The following KLF8 variants were observed in gnomAD, a reference collection of about 807,000 sequenced individuals.
KLF8 encodes KLF transcription factor 8, also known as Krueppel-like factor 8.
Under a neutral mutation model 18.2 loss-of-function variants are expected in KLF8, and 10 were observed. The ratio of observed to expected loss-of-function variants is 0.55; its 90% CI spans 0.34 to 0.93. The LOEUF (loss-of-function observed/expected upper bound fraction) is 0.93, where lower values mean the gene tolerates loss of function less well. Ranked by LOEUF, KLF8 falls within the 40% of genes least tolerant of loss-of-function variation. The pLI is 0.02. For missense variants in KLF8, 264 were observed against 277.9 expected (o/e 0.95, Z 0.36); for synonymous variants, 109 against 97.3 (o/e 1.12, Z -0.71).
chrX:55,942,250 A>G, the KLF8 span, among the ~76,000 whole-genome samples: 2 of 111,016 alleles, frequency 1.8e-5, no homozygotes. Context: ...CATCATTCTC[A>G]GCAAACTATC....
At chrX:56,065,868 G>A in the KLF8 span, among the ~76,000 whole-genome samples, 1 of 111,997 alleles carries the variant, frequency 8.9e-6, no homozygotes, top group East Asian at 2.8e-4. Flanking sequence ...AATAGAGGCT[G>A]TTGTGATGTT....
chrX:56,021,481 G>C, the KLF8 span, among the ~76,000 whole-genome samples: 2 of 111,058 alleles, frequency 1.8e-5, no homozygotes, highest in Admixed American at 1.9e-4. Context: ...CGTTTCTGTT[G>C]ATTATATATA....
chrX:56,252,778 A>G (rs1430759935), intron 2 of KLF8, among the ~76,000 whole-genome samples: 1 of 112,013 alleles, frequency 8.9e-6, no homozygotes, highest in Non-Finnish European at 1.9e-5. Flanking sequence ...TCAATTTTCA[A>G]TTTTTTTGAG....
chrX:56,151,738 T>G, the KLF8 span, among the ~76,000 whole-genome samples: 2 of 111,092 alleles, frequency 1.8e-5, no homozygotes, highest in African/African-American at 6.5e-5. Flanking sequence ...GAAATTGGAA[T>G]GAGAGATGTG....
chrX:55,908,764 G>A, the KLF8 span: 1 of 281,532 alleles, frequency 3.6e-6, no homozygotes, highest in South Asian at 2.4e-4. Flanking sequence ...CCCGGGGCTG[G>A]GAGGAGAGGA....
the KLF8 span, among the ~76,000 whole-genome samples, chrX:56,211,603 C>T: frequency 3.6e-5 from 4 of 112,185 alleles, no homozygotes; most frequent in Admixed American, 9.4e-5. Context: ...AGGCCTGTGT[C>T]CTTTCCTGCA....
chrX:56,185,186 G>A, the KLF8 span, among the ~76,000 whole-genome samples: 1 of 112,231 alleles, frequency 8.9e-6, no homozygotes, highest in African/African-American at 3.2e-5. Context: ...TAAAGCAGCG[G>A]ATGGAGCTGA....
At chrX:56,094,997 A>G in the KLF8 span, among the ~76,000 whole-genome samples, 1 of 111,461 alleles carries the variant, frequency 9.0e-6, no homozygotes, top group Non-Finnish European at 1.9e-5. Flanking sequence ...AATTAGGAAA[A>G]ACAATTGAAA....
chrX:56,261,987 G>C (rs2066888298), intron 2 of KLF8, among the ~76,000 whole-genome samples: 1 of 111,729 alleles, frequency 9.0e-6, no homozygotes, highest in Non-Finnish European at 1.9e-5. Flanking sequence ...CTACAAGATA[G>C]ATTCACTTAG....
At chrX:56,134,569 C>G in the KLF8 span, among the ~76,000 whole-genome samples, 2 of 111,442 alleles carry the variant, frequency 1.8e-5, no homozygotes, top group African/African-American at 6.5e-5. Context: ...GAAGATAACA[C>G]TGGAAAAACC....
chrX:55,936,827 G>T, the KLF8 span, among the ~76,000 whole-genome samples: 4 of 99,892 alleles, frequency 4.0e-5, no homozygotes, highest in Non-Finnish European at 8.1e-5. Context: ...TGAGGCTGGG[G>T]GAGGGGCGCC....
intron 1 of KLF8, among the ~76,000 whole-genome samples, chrX:56,249,432 T>C (rs767416269): frequency 8.9e-6 from 1 of 112,487 alleles, no homozygotes; most frequent in African/African-American, 3.2e-5. Context: ...TGGTTCATTA[T>C]GGATGGGGAA....
At chrX:56,184,186 G>A in the KLF8 span, among the ~76,000 whole-genome samples, 102 of 112,161 alleles carry the variant, frequency 9.1e-4, 2 homozygotes, top group Admixed American at 8.4e-3. Context: ...GCGCATTTCC[G>A]ACGGGCTTAA....
At chrX:56,204,794 A>G in the KLF8 span, among the ~76,000 whole-genome samples, 1 of 110,932 alleles carries the variant, frequency 9.0e-6, no homozygotes, top group Non-Finnish European at 1.9e-5. Flanking sequence ...CTTAATCCCC[A>G]TAGTATGACA....
the KLF8 span, among the ~76,000 whole-genome samples, chrX:56,083,490 C>CT: frequency 5.4e-5 from 6 of 111,926 alleles, no homozygotes; most frequent in Non-Finnish European, 9.4e-5. Flanking sequence ...GAAAATAAAG[C>CT]TTTTTTTGAT....
At chrX:56,173,845 T>A in the KLF8 span, among the ~76,000 whole-genome samples, 1 of 111,899 alleles carries the variant, frequency 8.9e-6, no homozygotes, top group East Asian at 2.8e-4. Context: ...CTAGGTATTT[T>A]ATTCTCTTTG....
At chrX:55,964,096 A>G in the KLF8 span, among the ~76,000 whole-genome samples, 4 of 111,773 alleles carry the variant, frequency 3.6e-5, no homozygotes, top group Non-Finnish European at 5.6e-5. Flanking sequence ...ACAACATACC[A>G]TAATTTCTGG....
the KLF8 span, among the ~76,000 whole-genome samples, chrX:56,141,061 T>A: frequency 8.9e-6 from 1 of 111,986 alleles, no homozygotes; most frequent in Non-Finnish European, 1.9e-5. Context: ...CCTTCTGGAC[T>A]CAGGCAATCC....
chrX:56,138,516 C>T, the KLF8 span, among the ~76,000 whole-genome samples: 455 of 111,569 alleles, frequency 4.1e-3, 3 homozygotes, highest in African/African-American at 0.014. Context: ...GTTAAACATA[C>T]ACAAATCAAT....
Sources: gnomAD v4.1 joint callset for allele counts (sites outside exome capture counted in the v4.1 genomes callset) on GRCh38, gnomAD v4.1.1 for gene constraint, MANE v1.5 for transcripts, NCBI Gene and HGNC (gene_info 2026-07-23, HGNC 2026-07-21) for gene names.